Variants in SLC35D1 observed in about 807,000 individuals in gnomAD.
The protein encoded by SLC35D1 is solute carrier family 35 member D1.
In SLC35D1, 31 loss-of-function variants were observed where a neutral mutation model predicts 46.7. That is an observed-to-expected ratio of 0.66 (90% CI 0.50 to 0.90). The LOEUF is 0.90. Among genes scored for constraint, SLC35D1 ranks in the 40% least tolerant of loss-of-function variants. The probability of loss-of-function intolerance (pLI) is 0.00; values close to 1 mark genes in which losing one functional copy is unlikely to be tolerated. For missense variants in SLC35D1, 397 were observed against 426.2 expected (o/e 0.93, Z 0.60); for synonymous variants, 195 against 164.6 (o/e 1.18, Z -1.41).
At chr1:66,987,443 T>A in the SLC35D1 span, 7 of 152,624 alleles carry the variant, frequency 4.6e-5, no homozygotes, top group Non-Finnish European at 1.0e-4. Flanking sequence ...GGGTATTTTC[T>A]GTTTCATGAT....
chr1:67,050,448 T>C lies in SLC35D1; in HGVS notation c.449A>G (p.Glu150Gly). The change falls in exon 5 of 12, where the codon GAA becomes GGA. Residue 150 changes from glutamate (E) to glycine (G), a missense_variant. Coordinates refer to ENST00000235345, the MANE Select transcript of SLC35D1 (RefSeq NM_015139.3). ...CTTAGCTCACTTGAGTAAAACTCCT[T>C]CAGCAAACATTGTAAACAGGATGGA... is the stretch of plus-strand genomic sequence containing the variant. The part of the protein sequence containing the change: ...RFSILFTMFA[E>G]GVLLKKTFSW... 1 of 1,613,378 alleles carries C rather than the reference T, an allele frequency of 6.2e-7. No individual in the cohort carries two copies. Among genetic ancestry groups the C allele is most frequent in the Non-Finnish European group, 8.5e-7 (1 of 1,179,510 alleles).
the SLC35D1 span, among the ~76,000 whole-genome samples, chr1:66,983,738 T>A: frequency 1.3e-5 from 2 of 152,212 alleles, no homozygotes; most frequent in South Asian, 4.1e-4. Flanking sequence ...CATCTTTTTT[T>A]TCTTTTTGAG....
At chr1:66,979,750 TC>T in the SLC35D1 span, among the ~76,000 whole-genome samples, 139 of 151,872 alleles carry the variant, frequency 9.2e-4, no homozygotes, top group African/African-American at 3.3e-3. Flanking sequence ...AACTCTTGTT[TC>T]CTTTGCCTTG....
At position 67,021,426 on chromosome 1, in the gene SLC35D1, T is replaced by C. The variant is rs77253931; in HGVS notation, c.797+109A>G. ...CCTGAATCTGGAGGCTTAATTATCC[T>C]AGGCTGACACACTCAGGAGACCTAA... On this transcript the variant is annotated intron_variant, in intron 9 of 11. Transcript: ENST00000235345. 34,743 of 1,164,202 alleles carry C rather than the reference T, an allele frequency of 0.03. 746 individuals are homozygous for C. Among genetic ancestry groups the C allele is most frequent in the African/African-American group, 0.096 (6,308 of 65,844 alleles). The allele number at this position is 1,164,202 out of a possible 1,614,324, so 72.1% of individuals were successfully genotyped here.
chr1:66,981,174 A>C, the SLC35D1 span, among the ~76,000 whole-genome samples: 14 of 152,198 alleles, frequency 9.2e-5, no homozygotes, highest in Non-Finnish European at 2.9e-5. Context: ...CACCAATGTC[A>C]CTTAACCACA....
intron 1 of SLC35D1, 99 bp from the exon 2 acceptor site, chr1:67,053,088 A>G: frequency 1.5e-6 from 2 of 1,337,112 alleles, no homozygotes; most frequent in Admixed American, 3.9e-5. Flanking sequence ...GCATTCCGAT[A>G]CAAGCCACAT....
At position 67,047,308 on chromosome 1, in the gene SLC35D1, G is replaced by A. The variant is rs1160433440; in HGVS notation, c.593C>T (p.Thr198Ile). The A allele has an allele frequency of 6.2e-7, 1 of 1,613,432 alleles. No homozygotes were observed. The highest frequency in any genetic ancestry group is 8.5e-7 in the Non-Finnish European group (1 of 1,179,880). ...YAFILINDVL[T>I]AANGAYVKQK... The stretch of plus-strand genomic sequence containing the variant: ...TTTTACGTATGCACCATTTGCTGCT[G>A]TTAGGACATCGTTTATCAGAATAAA... Residue 198 changes from threonine to isoleucine, a missense_variant, in exon 7 of 12, where the codon ACA (threonine) becomes ATA (isoleucine). Coordinates refer to ENST00000235345, the MANE Select transcript of SLC35D1 (RefSeq NM_015139.3).
chr1:66,981,703 G>A, the SLC35D1 span: 5 of 1,138,652 alleles, frequency 4.4e-6, no homozygotes, highest in Admixed American at 1.1e-4. Flanking sequence ...TGTTAAGAAA[G>A]CCTTCTGAAT....
downstream of SLC35D1, among the ~76,000 whole-genome samples, chr1:66,996,025 T>C (rs1667235643): frequency 6.6e-6 from 1 of 152,350 alleles, no homozygotes; most frequent in African/African-American, 2.4e-5. Flanking sequence ...AAAGTCCAGG[T>C]TTACATTTCT....
At chr1:67,009,248 G>T in intron 10 of SLC35D1, 81 bp from the exon 11 acceptor site, 2 of 496,964 alleles carry the variant, frequency 4.0e-6, no homozygotes, top group Non-Finnish European at 7.2e-6. Flanking sequence ...CCAAATATCT[G>T]TCCTTAAAAT....
the SLC35D1 span, among the ~76,000 whole-genome samples, chr1:66,977,819 A>G: frequency 1.3e-5 from 2 of 152,158 alleles, no homozygotes; most frequent in African/African-American, 2.4e-5. Flanking sequence ...ATAATGCAAA[A>G]TAAAAAATAA....
chr1:67,051,986 C>T (rs753759073), intron 4 of SLC35D1, 26 bp downstream of exon 4: 2 of 1,445,186 alleles, frequency 1.4e-6, no homozygotes, highest in East Asian at 2.3e-5. Flanking sequence ...ATATTAACCT[C>T]ACTAGTAAAA....
intron 11 of SLC35D1, among the ~76,000 whole-genome samples, chr1:67,007,113 G>A (rs757581751): frequency 1.2e-4 from 18 of 152,180 alleles, no homozygotes; most frequent in Admixed American, 4.6e-4. Flanking sequence ...CTCAGAACCA[G>A]AGGGGAGATG....
intron 8 of SLC35D1, among the ~76,000 whole-genome samples, chr1:67,034,481 C>T (rs1241764742): frequency 1.3e-5 from 2 of 151,954 alleles, no homozygotes; most frequent in Non-Finnish European, 2.9e-5. Flanking sequence ...TTCTTGATTT[C>T]CTTTTCAAAT....
At chr1:67,035,543 C>T (rs1384124949) in intron 8 of SLC35D1, among the ~76,000 whole-genome samples, 1 of 152,044 alleles carries the variant, frequency 6.6e-6, no homozygotes, top group Non-Finnish European at 1.5e-5. Flanking sequence ...GTAACGTCTC[C>T]TTTTTCAGCT....
the SLC35D1 span, among the ~76,000 whole-genome samples, chr1:66,980,232 T>A: frequency 6.6e-6 from 1 of 152,222 alleles, no homozygotes; most frequent in African/African-American, 2.4e-5. Flanking sequence ...TTTTCTATAA[T>A]TATGATGAGT....
At chr1:67,004,599 T>A in intron 11 of SLC35D1, 151 bp from the exon 12 acceptor site, 1 of 666,588 alleles carries the variant, frequency 1.5e-6, no homozygotes, top group Non-Finnish European at 2.7e-6. Flanking sequence ...ATGCATCCAT[T>A]AAAATGGTAT....
the SLC35D1 span, among the ~76,000 whole-genome samples, chr1:66,976,892 CTAT>C: frequency 3.9e-5 from 6 of 152,128 alleles, no homozygotes; most frequent in African/African-American, 1.4e-4. Flanking sequence ...ACTTTACCAT[CTAT>C]TATATCTTCA....
intron 8 of SLC35D1, among the ~76,000 whole-genome samples, chr1:67,024,841 TTAAA>T (rs1227646352): frequency 3.3e-5 from 5 of 152,224 alleles, no homozygotes; most frequent in Non-Finnish European, 7.4e-5. Flanking sequence ...ACTCCGAAAC[TTAAA>T]TAATCCTTCC....
Sources: gnomAD v4.1 joint callset for allele counts (sites outside exome capture counted in the v4.1 genomes callset) on GRCh38, gnomAD v4.1.1 for gene constraint, MANE v1.5 for transcripts, NCBI Gene and HGNC (gene_info 2026-07-23, HGNC 2026-07-21) for gene names.